The following TPRG1 variants were observed in gnomAD, a reference collection of about 807,000 sequenced individuals.
TPRG1 encodes tumor protein p63 regulated 1.
In TPRG1, 29 loss-of-function variants were observed where a neutral mutation model predicts 29.3. The ratio of observed to expected loss-of-function variants is 0.99; its 90% CI spans 0.74 to 1.35. TPRG1 has a LOEUF of 1.35. TPRG1 is among the 40% of genes most tolerant of loss of function. TPRG1 has a pLI of 0.00. For synonymous variants in TPRG1, 130 were observed against 116.8 expected, an observed-to-expected ratio of 1.11 and a Z score of -0.73; for missense variants, 327 against 335.0, an observed-to-expected ratio of 0.98 and a Z score of 0.19.
chr3:189,059,997 C>G (rs201556762), intron 4 of TPRG1, among the ~76,000 whole-genome samples: 1 of 152,202 alleles, frequency 6.6e-6, no homozygotes, highest in Non-Finnish European at 1.5e-5. Context: ...CTTTGGGAGA[C>G]CGAAGTGGGT....
At chr3:189,054,979 C>T (rs1233558065) in intron 4 of TPRG1, among the ~76,000 whole-genome samples, 1 of 152,094 alleles carries the variant, frequency 6.6e-6, no homozygotes, top group African/African-American at 2.4e-5. Context: ...AAAAATGCAC[C>T]ATCTGCAAAG....
chr3:189,118,975 C>G (rs1048469729), intron 1 of TPRG1, among the ~76,000 whole-genome samples: 7 of 152,204 alleles, frequency 4.6e-5, no homozygotes, highest in Non-Finnish European at 1.0e-4. Flanking sequence ...CCTGCAGACC[C>G]CAGAATGGGA....
At chr3:189,047,290 A>G (rs1018047831) in intron 4 of TPRG1, among the ~76,000 whole-genome samples, 1 of 152,238 alleles carries the variant, frequency 6.6e-6, no homozygotes, top group African/African-American at 2.4e-5. Flanking sequence ...CAGTGCATAT[A>G]AAAGTTATTT....
chr3:189,318,625 A>G (rs900522473), intron 5 of TPRG1, among the ~76,000 whole-genome samples: 8 of 152,172 alleles, frequency 5.3e-5, no homozygotes, highest in African/African-American at 1.7e-4. Flanking sequence ...AGAGACTAAA[A>G]TAAGTTACCT....
chr3:189,228,673 A>G (rs192129479), intron 3 of TPRG1, among the ~76,000 whole-genome samples: 57 of 152,306 alleles, frequency 3.7e-4, no homozygotes, highest in African/African-American at 1.2e-3. Flanking sequence ...GTAATGTCTA[A>G]TTGTTCCCCC....
At chr3:189,275,682 G>A (rs185722149) in intron 4 of TPRG1, among the ~76,000 whole-genome samples, 269 of 152,186 alleles carry the variant, frequency 1.8e-3, no homozygotes, top group Non-Finnish European at 3.1e-3. Context: ...GGGGCAAATA[G>A]GAGAGGCTTT....
At chr3:189,288,955 C>A (rs543036475) in intron 4 of TPRG1, among the ~76,000 whole-genome samples, 2 of 152,296 alleles carry the variant, frequency 1.3e-5, no homozygotes, top group East Asian at 3.9e-4. Context: ...CTTTCCTCCC[C>A]AAAAGCATTT....
rs188937245 is a variant in TPRG1 at position 189,282,545 on chromosome 3, G to A, written c.480-27841G>A. 3.0e-3 allele frequency among the ~76,000 whole-genome samples: 457 copies of A among 151,012 alleles called. 3 individuals are homozygous for A. The highest frequency in any genetic ancestry group is 0.01 in the African/African-American group (416 of 41,062). On this transcript the variant is annotated intron_variant, in intron 4 of 5. Transcript: ENST00000345063. Reference sequence around the variant, plus strand: ...TCTTCCTCTCTCCCCCTTTTCTCTCGTTCTCTCTTCTCTCTCTGTCTTCTT... The same window carrying A: ...TCTTCCTCTCTCCCCCTTTTCTCTCATTCTCTCTTCTCTCTCTGTCTTCTT...
rs559600589 is a variant in TPRG1, at chr3:189,175,561, G to A, written c.-10+3430G>A. Among the ~76,000 whole-genome samples, 12 of 152,264 alleles carry A rather than the reference G, an allele frequency of 7.9e-5. No homozygotes were observed. In the South Asian group the frequency reaches 2.5e-3, roughly 32 times the overall value. On this transcript the variant is annotated intron_variant, in intron 1 of 5. Coordinates refer to ENST00000345063, the MANE Select transcript of TPRG1 (RefSeq NM_198485.4). ...TATTAGCTCATTGTTATCCAAGTTTGTAAGTCGTCAGTGAGAGAATGTCTG... is the reference window on the plus strand; with the variant it reads ...TATTAGCTCATTGTTATCCAAGTTTATAAGTCGTCAGTGAGAGAATGTCTG...
At chr3:189,231,266 A>T (rs1738593448) in intron 3 of TPRG1, among the ~76,000 whole-genome samples, 1 of 35,138 alleles carries the variant, frequency 2.8e-5, no homozygotes, top group Admixed American at 3.4e-4. Context: ...CCTATAAAAC[A>T]TATATATATA....
chr3:189,229,851 C>T lies in TPRG1; in HGVS notation c.303-8882C>T, dbSNP rs1443387602. 3.3e-5 allele frequency among the ~76,000 whole-genome samples: 5 copies of T among 152,102 alleles called. No homozygotes were observed. In the South Asian group the frequency reaches 1.0e-3, roughly 32 times the overall value. Reference sequence around the variant, plus strand: ...GGTTTGCCTGATCTGGGCTGTGTCCCCTCTACCATACAAGCTGTAACGAAC... The same window carrying T: ...GGTTTGCCTGATCTGGGCTGTGTCCTCTCTACCATACAAGCTGTAACGAAC... On this transcript the variant is annotated intron_variant, in intron 3 of 5. Coordinates refer to ENST00000345063, the MANE Select transcript of TPRG1 (RefSeq NM_198485.4).
chr3:189,032,829 T>G (rs1165070862), intron 4 of TPRG1, among the ~76,000 whole-genome samples: 1 of 144,222 alleles, frequency 6.9e-6, no homozygotes, highest in Non-Finnish European at 1.5e-5. Flanking sequence ...TTCCCACCTA[T>G]GAGTGAGAAC....
At chr3:189,241,957 G>C (rs1481708097) in intron 4 of TPRG1, among the ~76,000 whole-genome samples, 1 of 151,856 alleles carries the variant, frequency 6.6e-6, no homozygotes, top group Non-Finnish European at 1.5e-5. Flanking sequence ...ACTAATACAG[G>C]TATCAAATTT....
At chr3:189,038,424 T>C (rs757368328) in intron 4 of TPRG1, among the ~76,000 whole-genome samples, 28 of 152,116 alleles carry the variant, frequency 1.8e-4, no homozygotes, top group Non-Finnish European at 3.4e-4. Context: ...TTTAAAAGCA[T>C]ATAGTATTGG....
At chr3:189,262,502 C>T (rs988489096) in intron 4 of TPRG1, among the ~76,000 whole-genome samples, 2 of 152,058 alleles carry the variant, frequency 1.3e-5, no homozygotes, top group Non-Finnish European at 2.9e-5. Flanking sequence ...AGTATGATCC[C>T]ATTGTGCTCA....
chr3:189,169,952 C>T (rs574802724), upstream of TPRG1, among the ~76,000 whole-genome samples: 2 of 152,256 alleles, frequency 1.3e-5, no homozygotes, highest in East Asian at 1.9e-4. Context: ...TGCAGTATGG[C>T]GGAGCTCAGC....
chr3:189,234,314 C>T (rs780285761), intron 3 of TPRG1, among the ~76,000 whole-genome samples: 1 of 152,078 alleles, frequency 6.6e-6, no homozygotes, highest in Admixed American at 6.5e-5. Context: ...CCACTGATAT[C>T]AAAAAGTTTA....
rs557305612 is a variant in TPRG1, at chr3:189,186,662, G to A, written c.-10+14531G>A. ...AGCTCCATCTTGTATTAGAATGAGG[G>A]CTCCACACCAGACCTGAGTAGATTC... On this transcript the variant is annotated intron_variant, in intron 1 of 5. Transcript: ENST00000345063. 9.9e-5 allele frequency among the ~76,000 whole-genome samples: 15 copies of A among 151,926 alleles called. 1 individual carries two copies. The South Asian group carries it at 3.1e-3, about 32-fold the overall frequency.
intron 4 of TPRG1, among the ~76,000 whole-genome samples, chr3:189,026,763 G>A (rs1191052243): frequency 6.6e-6 from 1 of 152,116 alleles, no homozygotes; most frequent in East Asian, 1.9e-4. Flanking sequence ...TGAGTTTTGA[G>A]CTGAAGAATA....
Sources: gnomAD v4.1 joint callset for allele counts (sites outside exome capture counted in the v4.1 genomes callset) on GRCh38, gnomAD v4.1.1 for gene constraint, MANE v1.5 for transcripts, NCBI Gene and HGNC (gene_info 2026-07-23, HGNC 2026-07-21) for gene names.